CYRIB: variants seen among roughly 807,000 people sequenced by gnomAD.
CYRIB encodes the protein CYFIP related Rac1 interactor B.
In CYRIB, 8 loss-of-function variants were observed where a neutral mutation model predicts 44.2. The observed-to-expected ratio is 0.18, with a 90% CI of 0.11 to 0.33. CYRIB has a LOEUF of 0.33. Among genes scored for constraint, CYRIB ranks in the 10% least tolerant of loss-of-function variants. CYRIB has a pLI of 1.00. For synonymous variants in CYRIB, 131 were observed against 127.2 expected (o/e 1.03, Z -0.20); for missense variants, 185 against 382.8 (o/e 0.48, Z 4.31).
At chr8:129,956,702 T>G (rs1364051573) in intron 2 of CYRIB, among the ~76,000 whole-genome samples, 1 of 152,158 alleles carries the variant, frequency 6.6e-6, no homozygotes, top group African/African-American at 2.4e-5. Flanking sequence ...AGGGTCACAA[T>G]GAGCCCAGAA....
chr8:129,866,503 A>AT (rs1412686831), intron 4 of CYRIB, among the ~76,000 whole-genome samples: 1 of 151,580 alleles, frequency 6.6e-6, no homozygotes, highest in African/African-American at 2.4e-5. Flanking sequence ...CTAAAAAAAA[A>AT]AATAATAATA....
At chr8:129,865,270 G>A (rs1364001952) in intron 4 of CYRIB, among the ~76,000 whole-genome samples, 1 of 152,158 alleles carries the variant, frequency 6.6e-6, no homozygotes, top group East Asian at 1.9e-4. Context: ...TGGTGCAGGA[G>A]GTTTAAAATA....
intron 4 of CYRIB, among the ~76,000 whole-genome samples, chr8:129,862,767 C>T (rs1300174203): frequency 2.6e-5 from 4 of 152,264 alleles, no homozygotes; most frequent in East Asian, 1.9e-4. Context: ...CCACCACGCA[C>T]GGCTGAGTGT....
chr8:129,992,785 C>G (rs912875137), intron 1 of CYRIB, among the ~76,000 whole-genome samples: 2 of 152,090 alleles, frequency 1.3e-5, no homozygotes, highest in African/African-American at 4.8e-5. Flanking sequence ...AGAAAAGAAC[C>G]CGTGAGAATT....
intron 10 of CYRIB, among the ~76,000 whole-genome samples, chr8:129,848,557 T>C (rs1163655705): frequency 6.6e-6 from 1 of 152,182 alleles, no homozygotes; most frequent in Non-Finnish European, 1.5e-5. Flanking sequence ...CTTTTTCCAC[T>C]GGAGCATCCT....
chr8:129,939,501 C>A (rs2093427374), intron 1 of CYRIB: 2 of 151,880 alleles, frequency 1.3e-5, no homozygotes. Flanking sequence ...AAGCCCCGCG[C>A]CAGCGCGGGC....
chr8:129,934,876 A>G (rs1391577027), intron 1 of CYRIB, among the ~76,000 whole-genome samples: 1 of 152,234 alleles, frequency 6.6e-6, no homozygotes, highest in East Asian at 1.9e-4. Context: ...TTCAGGACTT[A>G]GACCTTAGTT....
At chr8:129,943,883 G>A (rs2093941257), upstream of CYRIB, among the ~76,000 whole-genome samples, 1 of 144,192 alleles carries the variant, frequency 6.9e-6, no homozygotes, top group Non-Finnish European at 1.5e-5. Flanking sequence ...ACAAGCGTGA[G>A]CCACCGCGCC....
At chr8:129,891,166 TC>T (rs2065230128) in intron 2 of CYRIB, among the ~76,000 whole-genome samples, 1 of 152,172 alleles carries the variant, frequency 6.6e-6, no homozygotes, top group Non-Finnish European at 1.5e-5. Context: ...TCCTAAATTC[TC>T]CCAAATCCAT....
intron 2 of CYRIB, chr8:129,902,967 T>A (rs1482713934): frequency 2.0e-5 from 3 of 151,862 alleles, no homozygotes; most frequent in East Asian, 3.9e-4. Flanking sequence ...TGAAAAAAAA[T>A]ATATATGTAC....
chr8:129,882,193 C>T (rs192627702), intron 2 of CYRIB, among the ~76,000 whole-genome samples: 1 of 152,262 alleles, frequency 6.6e-6, no homozygotes, highest in Admixed American at 6.5e-5. Context: ...GGCAGCACAC[C>T]ATTTGGTTTT....
chr8:129,853,706 G>A (rs1235660151), intron 7 of CYRIB, among the ~76,000 whole-genome samples: 1 of 152,158 alleles, frequency 6.6e-6, no homozygotes, highest in Non-Finnish European at 1.5e-5. Flanking sequence ...AAGAAGTTAA[G>A]AGACCTAAAG....
chr8:129,950,626 C>A (rs2094456030), intron 2 of CYRIB, among the ~76,000 whole-genome samples: 1 of 151,520 alleles, frequency 6.6e-6, no homozygotes. Context: ...TAAATTATTT[C>A]ATGTAGAGTA....
At chr8:129,890,079 T>TG (rs1362663067) in intron 2 of CYRIB, among the ~76,000 whole-genome samples, 8 of 152,046 alleles carry the variant, frequency 5.3e-5, no homozygotes, top group Admixed American at 3.9e-4. Flanking sequence ...CAGCCGAAAA[T>TG]GGTTTCTTGA....
At chr8:129,849,521 C>T (rs1451234380) in intron 9 of CYRIB, 152 bp from the exon 12 acceptor site, 2 of 631,608 alleles carry the variant, frequency 3.2e-6, no homozygotes, top group Non-Finnish European at 5.0e-6. Flanking sequence ...CACACTGATA[C>T]ATTCAAATCT....
chr8:129,863,775 TA>T (rs2051527691), intron 4 of CYRIB, among the ~76,000 whole-genome samples: 3 of 152,214 alleles, frequency 2.0e-5, no homozygotes, highest in African/African-American at 4.8e-5. Context: ...CAAAAATACA[TA>T]TTTTTTTGTC....
In CYRIB at chr8:129,935,855, T is replaced by C. The variant is rs184876751; in HGVS notation, c.-50+3753A>G. ...CAAAATCACACAATATCTTTGAAAG[T>C]AGTCATTCTGACCCATGGTACCATT... On this transcript the variant is annotated intron_variant, in intron 1 of 11. Coordinates refer to ENST00000519824, the Ensembl canonical transcript of CYRIB. Among the ~76,000 whole-genome samples, 330 of 152,342 alleles carry C rather than the reference T, an allele frequency of 2.2e-3. 1 individual carries two copies. The highest frequency in any genetic ancestry group is 7.5e-3 in the African/African-American group (311 of 41,578).
At chr8:129,995,014 G>A (rs1229640251) in intron 1 of CYRIB, among the ~76,000 whole-genome samples, 1 of 152,214 alleles carries the variant, frequency 6.6e-6, no homozygotes. Flanking sequence ...AGAATGTGTG[G>A]TCCACCTCAG....
At chr8:129,939,291 A>T (rs1417159318) in intron 1 of CYRIB, among the ~76,000 whole-genome samples, 1 of 133,286 alleles carries the variant, frequency 7.5e-6, no homozygotes, top group Admixed American at 8.2e-5. Flanking sequence ...ACGAGCCAGG[A>T]GTCACTGGCG....
Sources: allele counts gnomAD v4.1 joint callset (sites outside exome capture counted in the v4.1 genomes callset), GRCh38; gene constraint gnomAD v4.1.1; transcripts MANE v1.5; gene names NCBI Gene and HGNC (gene_info 2026-07-23, HGNC 2026-07-21).